The following XKR4 variants were observed in gnomAD, a reference collection of about 807,000 sequenced individuals.
XKR4 encodes XK-related protein 4.
XKR4 carries 12 observed loss-of-function variants against 53.9 expected under a neutral mutation model. The observed-to-expected ratio is 0.22, with a 90% confidence interval of 0.14 to 0.36. The LOEUF (loss-of-function observed/expected upper bound fraction) is 0.36, where lower values mean the gene tolerates loss of function less well. Among genes scored for constraint, XKR4 ranks in the 10% least tolerant of loss-of-function variants. The probability of loss-of-function intolerance (pLI) is 1.00; values close to 1 mark genes in which losing one functional copy is unlikely to be tolerated. For synonymous variants in XKR4, 354 were observed against 362.4 expected, an observed-to-expected ratio of 0.98 and a Z score of 0.26; for missense variants, 799 against 859.5, an observed-to-expected ratio of 0.93 and a Z score of 0.88.
At chr8:55,432,109 A>G (rs1453862269) in intron 2 of XKR4, among the ~76,000 whole-genome samples, 1 of 152,154 alleles carries the variant, frequency 6.6e-6, no homozygotes, top group Non-Finnish European at 1.5e-5. Context: ...TGTAAATTTT[A>G]TCCAGGAGAA....
At chr8:55,300,587 G>T (rs1388991285) in intron 1 of XKR4, among the ~76,000 whole-genome samples, 1 of 152,096 alleles carries the variant, frequency 6.6e-6, no homozygotes, top group Non-Finnish European at 1.5e-5. Flanking sequence ...GAGTCTATGG[G>T]CACTGAGGCT....
At chr8:55,452,333 C>T (rs992632841) in intron 2 of XKR4, 1 of 634,584 alleles carries the variant, frequency 1.6e-6, no homozygotes, top group Non-Finnish European at 2.9e-6. Context: ...AGCGGAACAC[C>T]ACCTTCTCCC....
Position 55,541,991 on chromosome 8 carries a change from T to A in XKR4, c.*17764T>A, listed in dbSNP as rs1402004235. ...AAAGTAGTACTTCATAATGAACAAA[T>A]TTCCTTGGTTACATGGTTTTTCTTG... On this transcript the variant is annotated 3_prime_UTR_variant, in exon 3 of 3. Transcript: ENST00000327381. 1 of 152,090 alleles carries A rather than the reference T, an allele frequency of 6.6e-6. No individual in the cohort carries two copies. The highest frequency in any genetic ancestry group is 1.5e-5 in the Non-Finnish European group (1 of 68,024). The allele number at this position is 152,090 out of a possible 1,614,324, so 9.4% of individuals were successfully genotyped here.
intron 1 of XKR4, among the ~76,000 whole-genome samples, chr8:55,132,676 G>A (rs371491928): frequency 3.9e-5 from 6 of 152,196 alleles, no homozygotes; most frequent in East Asian, 1.9e-4. Context: ...AATTGAGCTC[G>A]TCAGACCATT....
chr8:55,148,760 G>A (rs921576952), intron 1 of XKR4, among the ~76,000 whole-genome samples: 5 of 152,054 alleles, frequency 3.3e-5, no homozygotes, highest in Non-Finnish European at 7.3e-5. Flanking sequence ...CCCATGAAGT[G>A]GTCAATTAGC....
chr8:55,244,940 C>T lies in XKR4; in HGVS notation c.807-112738C>T, dbSNP rs541150066. ...TTTTGAGATAGAGTCTCACTGTTGTCGCCTGGGCTGGAGTGTAATAGCGCG... is the reference window on the plus strand; with the variant it reads ...TTTTGAGATAGAGTCTCACTGTTGTTGCCTGGGCTGGAGTGTAATAGCGCG... On this transcript the variant is annotated intron_variant, in intron 1 of 2. Coordinates refer to ENST00000327381, the MANE Select transcript of XKR4 (RefSeq NM_052898.2). 1.6e-3 allele frequency among the ~76,000 whole-genome samples: 223 copies of T among 140,614 alleles called. 1 individual carries two copies. The highest frequency in any genetic ancestry group is 2.2e-3 in the Non-Finnish European group (144 of 66,540). 92.2% of individuals were successfully genotyped at this position (140,614 alleles called of 152,430 possible).
At chr8:55,395,731 C>T (rs1421688598) in intron 2 of XKR4, among the ~76,000 whole-genome samples, 3 of 152,154 alleles carry the variant, frequency 2.0e-5, no homozygotes, top group Admixed American at 1.3e-4. Flanking sequence ...ATCTTGCCTA[C>T]ACTAGGTCTA....
In XKR4 at chr8:55,460,943, G is replaced by C. The variant is rs556029516; in HGVS notation, c.1007-62338G>C. Among the ~76,000 whole-genome samples, 22 of 152,356 alleles carry C rather than the reference G, an allele frequency of 1.4e-4. No individual in the cohort carries two copies. The East Asian group carries it at 4.1e-3, about 28-fold the overall frequency. ...CAGCGAGGCTGGGGGAGGGGCACCCGCCATTGCTCAGGCTTGAGTAGGTAA... is the reference window on the plus strand; with the variant it reads ...CAGCGAGGCTGGGGGAGGGGCACCCCCCATTGCTCAGGCTTGAGTAGGTAA... On this transcript the variant is annotated intron_variant, in intron 2 of 2. Coordinates refer to ENST00000327381, the MANE Select transcript of XKR4 (RefSeq NM_052898.2).
At position 55,473,856 on chromosome 8, in the gene XKR4, G is replaced by C. The variant is rs185740058; in HGVS notation, c.1007-49425G>C. Among the ~76,000 whole-genome samples, 378 of 145,780 alleles carry C rather than the reference G, an allele frequency of 2.6e-3. 2 individuals are homozygous for C. The highest frequency in any genetic ancestry group is 9.3e-3 in the African/African-American group (362 of 39,054). ...TTTTCTTTTCTTTTTCTTCCTTCCT[G>C]TCTCTCTCCCCACCCCACCTTCCTC... is the stretch of plus-strand genomic sequence containing the variant. On this transcript the variant is annotated intron_variant, in intron 2 of 2. Transcript: ENST00000327381.
intron 1 of XKR4, among the ~76,000 whole-genome samples, chr8:55,260,352 C>A (rs916114484): frequency 6.6e-6 from 1 of 152,090 alleles, no homozygotes; most frequent in African/African-American, 2.4e-5. Flanking sequence ...AGTAAATAGA[C>A]AAAATGGATC....
At chr8:55,323,859 C>T (rs531477735) in intron 1 of XKR4, among the ~76,000 whole-genome samples, 1 of 152,134 alleles carries the variant, frequency 6.6e-6, no homozygotes, top group Admixed American at 6.6e-5. Context: ...ACTGACTTCT[C>T]TATTATCACT....
At chr8:55,203,521 A>C (rs1817603830) in intron 1 of XKR4, among the ~76,000 whole-genome samples, 1 of 152,184 alleles carries the variant, frequency 6.6e-6, no homozygotes, top group South Asian at 2.1e-4. Context: ...GGATGATGTA[A>C]GATAGGCTTG....
At chr8:55,125,750 G>T (rs965328695) in intron 1 of XKR4, among the ~76,000 whole-genome samples, 1 of 151,488 alleles carries the variant, frequency 6.6e-6, no homozygotes, top group African/African-American at 2.4e-5. Flanking sequence ...AATGAGCAAA[G>T]AATATGCAAA....
rs771735477 is a variant in XKR4, at chr8:55,541,801, C to A, written c.*17574C>A. The stretch of plus-strand genomic sequence containing the variant: ...TCCATGTATCCAAACATCCCTTTAG[C>A]GTTCAGATTGTAAGTGTGTCTTTAT... On this transcript the variant is annotated 3_prime_UTR_variant, in exon 3 of 3. Transcript: ENST00000327381. The A allele has an allele frequency of 6.6e-6, 1 of 152,072 alleles. No individual in the cohort carries two copies. The highest frequency in any genetic ancestry group is 1.5e-5 in the Non-Finnish European group (1 of 68,008). The allele number at this position is 152,072 out of a possible 1,614,324, so 9.4% of individuals were successfully genotyped here.
In XKR4 at chr8:55,429,667, G is replaced by T. The variant is rs563500800; in HGVS notation, c.1006+71790G>T. On this transcript the variant is annotated intron_variant, in intron 2 of 2. Transcript: ENST00000327381. ...GATCACTTGAACCCAAGAGTTCAAG[G>T]TTACAGCGAGCAGAGCACAGCACTG... Among the ~76,000 whole-genome samples, 45 of 151,652 alleles carry T rather than the reference G, an allele frequency of 3.0e-4. 1 individual carries two copies. The highest frequency in any genetic ancestry group is 9.7e-4 in the African/African-American group (40 of 41,212).
chr8:55,198,553 C>A (rs553523664), intron 1 of XKR4, among the ~76,000 whole-genome samples: 11 of 151,886 alleles, frequency 7.2e-5, no homozygotes, highest in African/African-American at 2.4e-4. Context: ...AACTGTAACT[C>A]ATATGGGTGC....
intron 1 of XKR4, among the ~76,000 whole-genome samples, chr8:55,275,887 G>A (rs1028727399): frequency 2.6e-5 from 4 of 152,126 alleles, no homozygotes; most frequent in Non-Finnish European, 5.9e-5. Flanking sequence ...ACCATGAGCC[G>A]GGACTGTCCC....
intron 1 of XKR4, among the ~76,000 whole-genome samples, chr8:55,228,422 G>A (rs1410084669): frequency 6.6e-6 from 1 of 152,142 alleles, no homozygotes; most frequent in Admixed American, 6.5e-5. Context: ...TCATTTTTAA[G>A]GAAAGTCAGA....
chr8:55,428,116 A>C (rs972906996), intron 2 of XKR4, among the ~76,000 whole-genome samples: 3 of 152,230 alleles, frequency 2.0e-5, no homozygotes, highest in African/African-American at 7.2e-5. Context: ...TGCATCCAGG[A>C]AGATGTAGTA....
Sources: allele counts gnomAD v4.1 joint callset (sites outside exome capture counted in the v4.1 genomes callset), GRCh38; gene constraint gnomAD v4.1.1; transcripts MANE v1.5; gene names NCBI Gene and HGNC (gene_info 2026-07-23, HGNC 2026-07-21).